LGR6: variants seen among roughly 807,000 people sequenced by gnomAD.
LGR6 encodes leucine-rich repeat-containing G protein-coupled receptor 6.
In LGR6, 45 loss-of-function variants were observed where a neutral mutation model predicts 69.4. The ratio of observed to expected loss-of-function variants is 0.65; its 90% CI spans 0.51 to 0.83. The LOEUF (loss-of-function observed/expected upper bound fraction) is 0.83, where lower values mean the gene tolerates loss of function less well. Among genes scored for constraint, LGR6 ranks in the 40% least tolerant of loss-of-function variants. The pLI is 0.00. For missense variants in LGR6, 1,108 were observed against 1,246.7 expected (o/e 0.89, Z 1.68); for synonymous variants, 538 against 555.0 (o/e 0.97, Z 0.43).
chr1:202,319,201 C>G lies in LGR6; in HGVS notation c.2898C>G (p.His966Gln). The change falls in exon 18 of 18, where the codon CAC (histidine) becomes CAG (glutamine). Residue 966 changes from histidine to glutamine, a missense_variant. By Grantham distance (24) the His-to-Gln change is conservative. Transcript: ENST00000367278. ...FQPSGLAFAS[H>Q]V Reference sequence around the variant, plus strand: ...CCTCTGGCTTGGCCTTTGCTTCACACGTGTAAATATCCCTCCCCATTCTTC... The same window carrying G: ...CCTCTGGCTTGGCCTTTGCTTCACAGGTGTAAATATCCCTCCCCATTCTTC... 1.9e-6 allele frequency: 3 copies of G among 1,591,210 alleles called. No homozygotes were observed. The highest frequency in any genetic ancestry group is 2.6e-6 in the Non-Finnish European group (3 of 1,168,614).
chr1:202,234,751 C>T (rs1003745179), intron 3 of LGR6, among the ~76,000 whole-genome samples: 1 of 152,166 alleles, frequency 6.6e-6, no homozygotes, highest in East Asian at 1.9e-4. Context: ...ATTAGCCATT[C>T]CTATTATTAA....
At chr1:202,305,633 C>T in intron 11 of LGR6, 51 bp from the exon 12 acceptor site, 1 of 1,526,554 alleles carries the variant, frequency 6.6e-7, no homozygotes, top group South Asian at 1.1e-5. Context: ...CCCGAGCAGC[C>T]CTCAGATAGC....
At chr1:202,239,386 G>T (rs1661968605) in intron 4 of LGR6, among the ~76,000 whole-genome samples, 1 of 146,914 alleles carries the variant, frequency 6.8e-6, no homozygotes, top group Non-Finnish European at 1.5e-5. Context: ...TGTGTGTGTG[G>T]TGTGTTGGGG....
intron 1 of LGR6, among the ~76,000 whole-genome samples, chr1:202,204,704 CACACACCTA>C (rs1229314487): frequency 2.0e-5 from 3 of 147,284 alleles, no homozygotes; most frequent in African/African-American, 7.5e-5. Flanking sequence ...CAAACACACA[CACACACCTA>C]ACACACACCT....
intron 1 of LGR6, among the ~76,000 whole-genome samples, chr1:202,203,466 C>T (rs10920360): frequency 0.14 from 21,394 of 152,206 alleles, 1,818 homozygotes; most frequent in South Asian, 0.37. Context: ...ACTGGTGCTG[C>T]GGTGCCCCTC....
chr1:202,298,948 G>T lies in LGR6; in HGVS notation c.785+1372G>T, dbSNP rs149487419. ...TGCCAGATGTAGGCAGCACATAGGG[G>T]ACAACTGGACCACCTAGAGGAAATA... On this transcript the variant is annotated intron_variant, in intron 7 of 17. Transcript: ENST00000367278. 2.5e-3 allele frequency among the ~76,000 whole-genome samples: 374 copies of T among 151,956 alleles called. 3 individuals are homozygous for T. Among genetic ancestry groups the T allele is most frequent in the African/African-American group, 8.5e-3 (351 of 41,438 alleles).
chr1:202,265,842 A>G (rs1035428500), intron 4 of LGR6, among the ~76,000 whole-genome samples: 1 of 152,254 alleles, frequency 6.6e-6, no homozygotes, highest in Non-Finnish European at 1.5e-5. Flanking sequence ...GGCAAGTTTC[A>G]GGGAAAGAGG....
rs866395469 is a variant in LGR6, at chr1:202,229,317, C to A, written c.356+1310C>A. The stretch of plus-strand genomic sequence containing the variant: ...CTCCCCCTTCTCCTTCTCCCTGCCC[C>A]ACTATTCCCTGCCTCTCAGTTCTGC... On this transcript the variant is annotated intron_variant, in intron 3 of 17. Transcript: ENST00000367278. 2.6e-5 allele frequency among the ~76,000 whole-genome samples: 4 copies of A among 152,288 alleles called. No individual in the cohort carries two copies. The South Asian group carries it at 8.3e-4, about 32-fold the overall frequency.
intron 4 of LGR6, among the ~76,000 whole-genome samples, chr1:202,262,299 A>C (rs549510879): frequency 1.3e-5 from 2 of 152,256 alleles, no homozygotes; most frequent in Non-Finnish European, 2.9e-5. Flanking sequence ...AGCTTTCTAC[A>C]TATGGCTAGC....
intron 6 of LGR6, among the ~76,000 whole-genome samples, chr1:202,295,823 G>A (rs1041197979): frequency 3.3e-5 from 5 of 151,916 alleles, no homozygotes; most frequent in East Asian, 1.9e-4. Flanking sequence ...ATTTTCTACT[G>A]TAATTACCCA....
intron 4 of LGR6, among the ~76,000 whole-genome samples, chr1:202,253,268 G>T (rs1309350352): frequency 6.6e-6 from 1 of 151,994 alleles, no homozygotes; most frequent in Admixed American, 6.6e-5. Context: ...ACAATGCCAG[G>T]TACATCCTGA....
Position 202,307,037 on chromosome 1 carries a change from T to C in LGR6, c.1208+98T>C, listed in dbSNP as rs1653281651. 13 of 1,078,854 alleles carry C rather than the reference T, an allele frequency of 1.2e-5. No homozygotes were observed. The Admixed American group carries it at 2.3e-4, about 19-fold the overall frequency. 66.8% of individuals were successfully genotyped at this position (1,078,854 alleles called of 1,614,324 possible). A position where few individuals can be genotyped will look rare whatever the true frequency, so the allele number is the denominator to read the frequency against. On this transcript the variant is annotated intron_variant, in intron 13 of 17. Transcript: ENST00000367278. ...AGCACATGTGTACAATTTAAGCAAA[T>C]GTGACATGCACATCGCCTCCCAGCT...
At chr1:202,194,495 G>A (rs1658557292) in intron 1 of LGR6, 1 of 656,232 alleles carries the variant, frequency 1.5e-6, no homozygotes, top group Admixed American at 2.0e-5. Context: ...GACCCTGAGC[G>A]GGAGGGCGCG....
intron 1 of LGR6, among the ~76,000 whole-genome samples, chr1:202,223,504 G>A (rs1413099589): frequency 6.6e-6 from 1 of 152,070 alleles, no homozygotes; most frequent in Non-Finnish European, 1.5e-5. Flanking sequence ...TGAGGTTTGA[G>A]GGCAACAGTG....
chr1:202,220,427 C>A (rs1660071706), intron 1 of LGR6, among the ~76,000 whole-genome samples: 1 of 131,228 alleles, frequency 7.6e-6, no homozygotes, highest in African/African-American at 2.5e-5. Flanking sequence ...CCATGTTGGC[C>A]AGACTGGTCT....
At chr1:202,282,551 A>G (rs1252456346) in intron 6 of LGR6, among the ~76,000 whole-genome samples, 4 of 152,154 alleles carry the variant, frequency 2.6e-5, no homozygotes, top group Non-Finnish European at 5.9e-5. Flanking sequence ...CTCAGGAGAT[A>G]TAAGAGCTTT....
chr1:202,301,111 C>T, intron 8 of LGR6, 53 bp from the exon 9 acceptor site: 1 of 1,538,210 alleles, frequency 6.5e-7, no homozygotes, highest in Non-Finnish European at 9.0e-7. Flanking sequence ...GGCCTTAATC[C>T]CAGCAGAAAG....
At chr1:202,277,272 C>T (rs1205418079) in intron 5 of LGR6, among the ~76,000 whole-genome samples, 1 of 152,152 alleles carries the variant, frequency 6.6e-6, no homozygotes, top group African/African-American at 2.4e-5. Context: ...TTTTGAAGAT[C>T]TGGCGTGATT....
intron 6 of LGR6, among the ~76,000 whole-genome samples, chr1:202,292,935 C>G (rs1666897574): frequency 6.6e-6 from 1 of 152,220 alleles, no homozygotes; most frequent in African/African-American, 2.4e-5. Flanking sequence ...TTTTTACTTA[C>G]AGACAGTAGA....
Sources: gnomAD v4.1 joint callset for allele counts (sites outside exome capture counted in the v4.1 genomes callset) on GRCh38, gnomAD v4.1.1 for gene constraint, MANE v1.5 for transcripts, NCBI Gene and HGNC (gene_info 2026-07-23, HGNC 2026-07-21) for gene names.